The following DPH6 variants were observed in gnomAD, a reference collection of about 807,000 sequenced individuals.
The protein encoded by DPH6 is diphthamine biosynthesis 6.
DPH6 carries 33 observed loss-of-function variants against 38.2 expected under a neutral mutation model. The ratio of observed to expected loss-of-function variants is 0.86; its 90% CI spans 0.65 to 1.15. The LOEUF (loss-of-function observed/expected upper bound fraction) is 1.15, where lower values mean the gene tolerates loss of function less well. Among genes scored for constraint, DPH6 ranks in the 50% most tolerant of loss-of-function variants. The pLI is 0.00. For missense variants in DPH6, 325 were observed against 320.0 expected (o/e 1.02, Z -0.12); for synonymous variants, 108 against 103.0 (o/e 1.05, Z -0.30).
At chr15:35,245,984 T>C (rs1401645885) in intron 3 of DPH6, among the ~76,000 whole-genome samples, 2 of 152,204 alleles carry the variant, frequency 1.3e-5, no homozygotes, top group Non-Finnish European at 2.9e-5. Flanking sequence ...GGCCGGTTCC[T>C]GCCTTAACTG....
In DPH6 at chr15:35,371,392, G is replaced by T; in HGVS notation, c.*758C>A. On this transcript the variant is annotated 3_prime_UTR_variant, in exon 9 of 9. Coordinates refer to ENST00000256538, the MANE Select transcript of DPH6 (RefSeq NM_080650.4). The stretch of plus-strand genomic sequence containing the variant: ...ATGTGTCAATGTAGGTTCATCAGTT[G>T]TAACAAATGTACCACTCTATTATAA... 1 of 192,578 alleles carries T rather than the reference G, an allele frequency of 5.2e-6. No homozygotes were observed. Among genetic ancestry groups the T allele is most frequent in the Non-Finnish European group, 9.5e-6 (1 of 105,184 alleles). The allele number at this position is 192,578 out of a possible 1,614,324, so 11.9% of individuals were successfully genotyped here. A position where few individuals can be genotyped will look rare whatever the true frequency, so the allele number is the denominator to read the frequency against.
At chr15:35,369,369 A>C (rs747936710), downstream of DPH6, among the ~76,000 whole-genome samples, 23 of 151,882 alleles carry the variant, frequency 1.5e-4, no homozygotes, top group Non-Finnish European at 2.7e-4. Context: ...GTTAAGATGC[A>C]TCTGAAATAC....
intron 3 of DPH6, among the ~76,000 whole-genome samples, chr15:35,342,513 A>G (rs959818818): frequency 8.5e-5 from 13 of 152,128 alleles, no homozygotes; most frequent in African/African-American, 2.9e-4. Context: ...GTCAGTCCCA[A>G]TGCAAGAACC....
At chr15:35,350,060 G>A (rs1169432795) in intron 3 of DPH6, among the ~76,000 whole-genome samples, 1 of 152,166 alleles carries the variant, frequency 6.6e-6, no homozygotes, top group African/African-American at 2.4e-5. Flanking sequence ...GAATTCTTCA[G>A]TGAAGTCACT....
At chr15:35,280,733 A>C (rs1442986486) in intron 3 of DPH6, among the ~76,000 whole-genome samples, 1 of 152,182 alleles carries the variant, frequency 6.6e-6, no homozygotes, top group Non-Finnish European at 1.5e-5. Flanking sequence ...AGGTAAAAAA[A>C]ATTTTCTCTT....
intron 3 of DPH6, among the ~76,000 whole-genome samples, chr15:35,254,837 AG>A (rs34478447): frequency 6.6e-6 from 1 of 152,106 alleles, no homozygotes; most frequent in African/African-American, 2.4e-5. Context: ...TTACAGTCAA[AG>A]GGGGTTGTTC....
At chr15:35,333,912 G>A (rs2052347075) in intron 3 of DPH6, among the ~76,000 whole-genome samples, 1 of 151,980 alleles carries the variant, frequency 6.6e-6, no homozygotes, top group African/African-American at 2.4e-5. Context: ...AAGAAAATGT[G>A]GTACATATAC....
chr15:35,146,942 A>G, the DPH6 span, among the ~76,000 whole-genome samples: 77 of 152,316 alleles, frequency 5.1e-4, no homozygotes, highest in African/African-American at 1.7e-3. Context: ...TTCTAGAAAA[A>G]TCAAAGTGGG....
intron 3 of DPH6, among the ~76,000 whole-genome samples, chr15:35,230,961 A>C (rs1386321157): frequency 1.3e-5 from 2 of 152,226 alleles, no homozygotes; most frequent in African/African-American, 4.8e-5. Flanking sequence ...TGAGCTGTGC[A>C]GCCTGGGTTT....
At chr15:35,270,691 C>A (rs1178064179) in intron 3 of DPH6, among the ~76,000 whole-genome samples, 4 of 152,126 alleles carry the variant, frequency 2.6e-5, no homozygotes, top group Non-Finnish European at 4.4e-5. Context: ...ACTAAATATT[C>A]CTTTGAAATG....
At chr15:35,170,989 T>A in the DPH6 span, among the ~76,000 whole-genome samples, 1 of 152,210 alleles carries the variant, frequency 6.6e-6, no homozygotes, top group Admixed American at 6.5e-5. Flanking sequence ...TAAAACACAA[T>A]GGTGGAGCTT....
At chr15:35,378,768 T>TG in intron 7 of DPH6, among the ~76,000 whole-genome samples, 1 of 147,834 alleles carries the variant, frequency 6.8e-6, no homozygotes, top group South Asian at 2.1e-4. Flanking sequence ...AAGTGGGAGT[T>TG]GAACAATGAG....
At chr15:35,472,335 C>T (rs1475931737) in intron 3 of DPH6, among the ~76,000 whole-genome samples, 2 of 152,116 alleles carry the variant, frequency 1.3e-5, no homozygotes, top group Non-Finnish European at 2.9e-5. Flanking sequence ...TACTGGAACC[C>T]AGGAACCAGG....
intron 7 of DPH6, among the ~76,000 whole-genome samples, chr15:35,378,015 G>A (rs780555228): frequency 1.3e-5 from 2 of 151,932 alleles, no homozygotes; most frequent in African/African-American, 2.4e-5. Context: ...GATTACAGGC[G>A]TGAGCCACTG....
chr15:35,305,433 T>C (rs2052082681), intron 3 of DPH6, among the ~76,000 whole-genome samples: 1 of 151,984 alleles, frequency 6.6e-6, no homozygotes, highest in East Asian at 1.9e-4. Flanking sequence ...TGTTTTTAGT[T>C]CCTGATTATT....
At chr15:35,346,821 G>T (rs915639811) in intron 3 of DPH6, among the ~76,000 whole-genome samples, 1 of 151,664 alleles carries the variant, frequency 6.6e-6, no homozygotes, top group Non-Finnish European at 1.5e-5. Flanking sequence ...ATTAGCTTAT[G>T]GTTCAAAAAT....
At chr15:35,379,256 T>C (rs1012760006) in intron 7 of DPH6, among the ~76,000 whole-genome samples, 1 of 152,244 alleles carries the variant, frequency 6.6e-6, no homozygotes, top group African/African-American at 2.4e-5. Context: ...CAAATAAGTC[T>C]GCATGTAAAA....
intron 6 of DPH6, among the ~76,000 whole-genome samples, chr15:35,405,914 TG>T (rs113230244): frequency 0.026 from 3,881 of 152,156 alleles, 76 homozygotes; most frequent in African/African-American, 0.056. Flanking sequence ...GAAGGGATGT[TG>T]AAGTTTATCA....
At chr15:35,479,342 T>C (rs1264857814) in intron 3 of DPH6, among the ~76,000 whole-genome samples, 1 of 152,110 alleles carries the variant, frequency 6.6e-6, no homozygotes, top group Non-Finnish European at 1.5e-5. Flanking sequence ...CTTAAAGTTT[T>C]GATTCTCGAC....
Sources: gnomAD v4.1 joint callset for allele counts (sites outside exome capture counted in the v4.1 genomes callset) on GRCh38, gnomAD v4.1.1 for gene constraint, MANE v1.5 for transcripts, NCBI Gene and HGNC (gene_info 2026-07-23, HGNC 2026-07-21) for gene names.